BDP1: variants seen among roughly 807,000 people sequenced by gnomAD.
BDP1 encodes transcription factor TFIIIB component B'' homolog.
A neutral mutation model predicts 266.6 loss-of-function variants in BDP1; 169 were observed. The ratio of observed to expected loss-of-function variants is 0.63; its 90% CI spans 0.56 to 0.72. BDP1 has a LOEUF of 0.72. Among genes scored for constraint, BDP1 ranks in the 30% least tolerant of loss-of-function variants. The pLI is 0.00. For missense variants in BDP1, 3,015 were observed against 3,053.8 expected, an observed-to-expected ratio of 0.99 and a Z score of 0.30; for synonymous variants, 1,090 against 1,022.4, an observed-to-expected ratio of 1.07 and a Z score of -1.26.
chr5:71,514,787 A>G (rs909495876), intron 19 of BDP1, among the ~76,000 whole-genome samples, 157 bp from the exon 20 acceptor site: 2 of 152,178 alleles, frequency 1.3e-5, no homozygotes, highest in African/African-American at 2.4e-5. Flanking sequence ...GAGTATTTAT[A>G]AGATACATTT....
chr5:71,467,275 A>G, intron 5 of BDP1, 79 bp from the exon 6 acceptor site: 1 of 1,220,114 alleles, frequency 8.2e-7, no homozygotes, highest in Admixed American at 2.2e-5. Context: ...TAAACCTCAA[A>G]ATATAACTAT....
At chr5:71,533,309 A>T (rs1766367921) in intron 26 of BDP1, among the ~76,000 whole-genome samples, 1 of 152,124 alleles carries the variant, frequency 6.6e-6, no homozygotes, top group African/African-American at 2.4e-5. Flanking sequence ...GTAATTGCTG[A>T]GTCATATGGT....
At position 71,465,711 on chromosome 5, in the gene BDP1, T is replaced by A. The variant is rs137863326; in HGVS notation, c.660-385T>A. Among the ~76,000 whole-genome samples, 945 of 152,182 alleles carry A rather than the reference T, an allele frequency of 6.2e-3. 14 individuals carry two copies. The highest frequency in any genetic ancestry group is 0.022 in the African/African-American group (903 of 41,520). ...GCCTGGCCAACATCGTGAAAACCCG[T>A]CTCTACTAAAAATACAAAAATTAGC... On this transcript the variant is annotated intron_variant, in intron 4 of 38. Transcript: ENST00000358731.
At chr5:71,480,192 C>T (rs1762859822) in intron 7 of BDP1, among the ~76,000 whole-genome samples, 1 of 151,190 alleles carries the variant, frequency 6.6e-6, no homozygotes, top group South Asian at 2.1e-4. Flanking sequence ...CTCACTGCAA[C>T]CTCTGTCTCC....
At chr5:71,493,267 TA>T (rs1416378827) in intron 11 of BDP1, among the ~76,000 whole-genome samples, 5 of 152,196 alleles carry the variant, frequency 3.3e-5, no homozygotes. Context: ...TTAAAATAAT[TA>T]AAAAATGTTG....
intron 15 of BDP1, 91 bp downstream of exon 15, chr5:71,502,882 C>T: frequency 1.2e-6 from 1 of 867,198 alleles, no homozygotes; most frequent in Non-Finnish European, 1.8e-6. Flanking sequence ...TACATACATA[C>T]ATACATACAT....
intron 7 of BDP1, among the ~76,000 whole-genome samples, chr5:71,477,535 C>T (rs1247650644): frequency 6.6e-6 from 1 of 152,014 alleles, no homozygotes; most frequent in Non-Finnish European, 1.5e-5. Flanking sequence ...GTGTTTACAA[C>T]TAAATGATCA....
Position 71,517,449 on chromosome 5 carries a change from T to G in BDP1, c.4988T>G (p.Ile1663Ser), listed in dbSNP as rs759497798. 6.4e-7 allele frequency: 1 copy of G among 1,571,666 alleles called. No individual in the cohort carries two copies. ...NLHVNKTNET[I>S]RHENKPYVPS... ...CATGTTAACAAAACAAATGAAACAA[T>G]CAGGTGAGTTTGCTTTTAATGAGAA... The change falls in exon 22 of 39, where the codon ATC (isoleucine) becomes AGC (serine). Residue 1663 changes from isoleucine (I) to serine (S), a missense_variant. By Grantham distance (142) the Ile-to-Ser change is moderately radical. This residue lies in a region of BDP1 where 2,383 missense variants were observed against 2,404.9 expected (regional missense o/e 0.99). Transcript: ENST00000358731.
chr5:71,491,222 TG>T (rs1364425002), intron 11 of BDP1, 91 bp downstream of exon 11: 1 of 1,251,518 alleles, frequency 8.0e-7, no homozygotes, highest in Admixed American at 2.3e-5. Flanking sequence ...TGGATTTGCC[TG>T]TTTCTTTTTT....
At chr5:71,504,892 C>A in intron 16 of BDP1, 141 bp downstream of exon 16, 1 of 764,824 alleles carries the variant, frequency 1.3e-6, no homozygotes, top group South Asian at 1.8e-5. Flanking sequence ...TATAACTTCA[C>A]CTTTCAAGAA....
Position 71,515,610 on chromosome 5 carries a change from T to G in BDP1, c.4650-451T>G, listed in dbSNP as rs539883262. 2.6e-5 allele frequency among the ~76,000 whole-genome samples: 4 copies of G among 152,312 alleles called. No homozygotes were observed. In the East Asian group the frequency reaches 7.7e-4, roughly 29 times the overall value. ...TTATATGTATATAAGCTATATATAT[T>G]CATTAACTTTTAAAAATTAGTATAC... On this transcript the variant is annotated intron_variant, in intron 20 of 38. Transcript: ENST00000358731.
In BDP1 at chr5:71,564,933, G is replaced by C; in HGVS notation, c.*48G>C. 6.6e-7 allele frequency: 1 copy of C among 1,525,560 alleles called. No individual in the cohort carries two copies. Among genetic ancestry groups the C allele is most frequent in the Admixed American group, 2.1e-5 (1 of 47,312 alleles). 94.5% of individuals were successfully genotyped at this position (1,525,560 alleles called of 1,614,324 possible). ...TTTTAAATTAGGTCTAGGATTTCCA[G>C]AGTCAATTACATCAACAAAACAGTA... On this transcript the variant is annotated 3_prime_UTR_variant, in exon 39 of 39. Transcript: ENST00000358731.
intron 7 of BDP1, among the ~76,000 whole-genome samples, 169 bp from the exon 8 acceptor site, chr5:71,483,673 C>T (rs1364671579): frequency 6.6e-6 from 1 of 152,120 alleles, no homozygotes; most frequent in Non-Finnish European, 1.5e-5. Context: ...AATCTTTCAT[C>T]CTTATTTTTA....
At chr5:71,547,156 T>A (rs536091822) in intron 32 of BDP1, among the ~76,000 whole-genome samples, 1 of 149,766 alleles carries the variant, frequency 6.7e-6, no homozygotes, top group Non-Finnish European at 1.5e-5. Context: ...CCTGGCCAGC[T>A]TTTTTTTTAT....
At chr5:71,500,070 T>C (rs909418284) in intron 13 of BDP1, among the ~76,000 whole-genome samples, 2 of 152,190 alleles carry the variant, frequency 1.3e-5, no homozygotes, top group East Asian at 3.8e-4. Context: ...CTTATAACTT[T>C]TCCAGAATTC....
rs111311323 is a variant in BDP1 at position 71,507,995 on chromosome 5, T to A, written c.2373-1470T>A. Among the ~76,000 whole-genome samples, 773 of 152,334 alleles carry A rather than the reference T, an allele frequency of 5.1e-3. 8 individuals are homozygous for A. The highest frequency in any genetic ancestry group is 0.017 in the African/African-American group (723 of 41,578). On this transcript the variant is annotated intron_variant, in intron 16 of 38. Transcript: ENST00000358731. The stretch of plus-strand genomic sequence containing the variant: ...TTTTGTTTCTGTTTGAGACAGAGTC[T>A]TACTCTGTTGCCCAGGTGGAGTGCA...
chr5:71,472,010 T>C (rs1762278737), intron 7 of BDP1, among the ~76,000 whole-genome samples: 1 of 152,264 alleles, frequency 6.6e-6, no homozygotes, highest in Admixed American at 6.5e-5. Flanking sequence ...GTTAAAATTC[T>C]GTGAAGGCTA....
intron 6 of BDP1, among the ~76,000 whole-genome samples, chr5:71,468,709 C>T (rs746340689): frequency 4.9e-4 from 73 of 149,134 alleles, no homozygotes; most frequent in South Asian, 8.5e-4. Context: ...TGGGTTCAAG[C>T]GATTCTCCTG....
At position 71,553,284 on chromosome 5, in the gene BDP1, C is replaced by A; in HGVS notation, c.7164C>A (p.Leu2388=). ...DHIPPAKKRS[L]TLRDDCQEYT... is the part of the protein sequence containing the mutation. The stretch of plus-strand genomic sequence containing the variant: ...TTCCTCCTGCCAAAAAACGTTCACT[C>A]ACTTTAAGAGATGACTGTCAAGAAT... Residue 2388 remains leucine (L), a synonymous_variant, in exon 35 of 39, where the codon CTC becomes CTA. Transcript: ENST00000358731. The A allele has an allele frequency of 6.2e-7, 1 of 1,612,986 alleles. No homozygotes were observed.
Sources: gnomAD v4.1 joint callset for allele counts (sites outside exome capture counted in the v4.1 genomes callset) on GRCh38, gnomAD v4.1.1 for gene constraint, gnomAD v4.1.1 regional missense constraint, MANE v1.5 for transcripts, NCBI Gene and HGNC (gene_info 2026-07-23, HGNC 2026-07-21) for gene names.